ZNF469: variants seen among roughly 807,000 people sequenced by gnomAD.
The protein encoded by ZNF469 is zinc finger protein 469.
In ZNF469, 1 loss-of-function variant was observed where a neutral mutation model predicts 1.0. The ratio of observed to expected loss-of-function variants is 1.00; its 90% CI spans 0.35 to 4.73. The LOEUF (loss-of-function observed/expected upper bound fraction) is 4.73. ZNF469 is among the 30% of genes most tolerant of loss of function. ZNF469 has a pLI of 0.16. For synonymous variants in ZNF469, 2,703 were observed against 2,363.4 expected (o/e 1.14, Z -4.17); for missense variants, 6,100 against 5,356.3 (o/e 1.14, Z -4.33).
At chr16:88,375,318 G>A in the ZNF469 span, among the ~76,000 whole-genome samples, 12 of 152,262 alleles carry the variant, frequency 7.9e-5, no homozygotes. Context: ...CTGAGGCACA[G>A]AGGGGCCAAG....
At chr16:88,280,138 A>C in the ZNF469 span, among the ~76,000 whole-genome samples, 2 of 151,760 alleles carry the variant, frequency 1.3e-5, no homozygotes, top group Non-Finnish European at 2.9e-5. Flanking sequence ...ACGCTCGGTC[A>C]GTACTGTGTA....
At position 88,432,735 on chromosome 16, in the gene ZNF469, C is replaced by T. The variant is rs367692750; in HGVS notation, c.5265C>T (p.Ala1755=). The change falls in exon 3 of 3, where the codon GCC becomes GCT. Residue 1755 remains alanine, a synonymous_variant. Transcript: ENST00000565624. ...QELSFPKNKE[A]ASSQESEDSL... ...TTTCATTTCCTAAGAATAAGGAGGC[C>T]GCCAGCTCACAAGAAAGTGAAGACT... 1.7e-5 allele frequency: 27 copies of T among 1,550,380 alleles called. No individual in the cohort carries two copies. The African/African-American group carries it at 2.6e-4, about 15-fold the overall frequency.
the ZNF469 span, among the ~76,000 whole-genome samples, chr16:88,244,745 G>C: frequency 1.3e-5 from 1 of 75,052 alleles, no homozygotes; most frequent in Admixed American, 1.4e-4. Context: ...GGGTGGATGG[G>C]TAGCTAAACA....
At chr16:88,255,645 GA>G in the ZNF469 span, among the ~76,000 whole-genome samples, 1 of 152,190 alleles carries the variant, frequency 6.6e-6, no homozygotes, top group Admixed American at 6.5e-5. Flanking sequence ...AAGAGTTAAA[GA>G]AAGAGGAAAG....
chr16:88,255,965 C>T, the ZNF469 span, among the ~76,000 whole-genome samples: 1 of 152,160 alleles, frequency 6.6e-6, no homozygotes, highest in Non-Finnish European at 1.5e-5. Flanking sequence ...TATGGTCATG[C>T]TGACATTAGC....
At chr16:88,182,289 T>C in the ZNF469 span, among the ~76,000 whole-genome samples, 2 of 152,138 alleles carry the variant, frequency 1.3e-5, no homozygotes, top group Non-Finnish European at 2.9e-5. Flanking sequence ...ATTGTTAAGA[T>C]GTAAATCCCT....
intron 1 of ZNF469, among the ~76,000 whole-genome samples, chr16:88,398,358 C>T (rs376982909): frequency 1.3e-4 from 20 of 151,546 alleles, no homozygotes; most frequent in African/African-American, 3.4e-4. Context: ...ACGTGAGCCA[C>T]GGATGAAGGA....
the ZNF469 span, among the ~76,000 whole-genome samples, chr16:88,158,527 C>T: frequency 3.3e-5 from 5 of 149,344 alleles, 1 homozygote; most frequent in Admixed American, 1.3e-4. Context: ...CACATGCCTG[C>T]CTCTGCGCAG....
the ZNF469 span, among the ~76,000 whole-genome samples, chr16:88,371,466 C>T: frequency 7.2e-5 from 11 of 152,348 alleles, no homozygotes; most frequent in South Asian, 2.3e-3. Context: ...CCAGGCAGAT[C>T]TGATCATCCC....
chr16:88,163,895 A>AATGT, the ZNF469 span, among the ~76,000 whole-genome samples: 1 of 140,484 alleles, frequency 7.1e-6, no homozygotes, highest in East Asian at 2.5e-4. Flanking sequence ...TGGGTAGATG[A>AATGT]ATGGATGGAT....
chr16:88,296,072 G>A, the ZNF469 span, among the ~76,000 whole-genome samples: 24 of 152,302 alleles, frequency 1.6e-4, 1 homozygote, highest in African/African-American at 5.3e-4. Context: ...GTGGAAGCGA[G>A]CCCGCCCGGC....
chr16:88,363,609 G>T, the ZNF469 span, among the ~76,000 whole-genome samples: 1 of 152,184 alleles, frequency 6.6e-6, no homozygotes, highest in African/African-American at 2.4e-5. Context: ...TCAGTTTTCA[G>T]TGTCTGTAGC....
At chr16:88,288,030 C>T in the ZNF469 span, among the ~76,000 whole-genome samples, 3 of 152,176 alleles carry the variant, frequency 2.0e-5, no homozygotes, top group Non-Finnish European at 2.9e-5. Context: ...CCTCCCAAGA[C>T]TTTCAAACAC....
At chr16:88,264,798 G>T in the ZNF469 span, among the ~76,000 whole-genome samples, 1 of 139,966 alleles carries the variant, frequency 7.1e-6, no homozygotes, top group Non-Finnish European at 1.6e-5. Flanking sequence ...AGGCTGCCTG[G>T]CCACACGGCC....
the ZNF469 span, among the ~76,000 whole-genome samples, chr16:88,208,423 G>T: frequency 1.8e-4 from 26 of 146,060 alleles, no homozygotes; most frequent in African/African-American, 5.6e-4. Flanking sequence ...GGGTGCCTCG[G>T]TGTCCAGGGT....
At chr16:88,106,612 C>A in the ZNF469 span, among the ~76,000 whole-genome samples, 1 of 152,256 alleles carries the variant, frequency 6.6e-6, no homozygotes, top group Non-Finnish European at 1.5e-5. Context: ...GAGCAGCCCC[C>A]ACTGTCTGTG....
chr16:88,330,281 C>A, the ZNF469 span, among the ~76,000 whole-genome samples: 1 of 152,230 alleles, frequency 6.6e-6, no homozygotes, highest in Admixed American at 6.5e-5. Flanking sequence ...TGTGTGTGCA[C>A]ATGCGAAGGC....
the ZNF469 span, among the ~76,000 whole-genome samples, chr16:88,267,036 C>T: frequency 6.6e-6 from 1 of 152,220 alleles, no homozygotes; most frequent in African/African-American, 2.4e-5. Flanking sequence ...TCCAGGCGCT[C>T]CGGGTGCCCG....
upstream of ZNF469, among the ~76,000 whole-genome samples, chr16:88,382,943 C>T (rs2092528937): frequency 6.6e-6 from 1 of 151,368 alleles, no homozygotes; most frequent in Non-Finnish European, 1.5e-5. Flanking sequence ...CTAAGCCGCC[C>T]CAGCCTCCGG....
Sources: allele counts gnomAD v4.1 joint callset (sites outside exome capture counted in the v4.1 genomes callset), GRCh38; gene constraint gnomAD v4.1.1; transcripts MANE v1.5; gene names NCBI Gene and HGNC (gene_info 2026-07-23, HGNC 2026-07-21).